The following TENM1 variants were observed in gnomAD, a reference collection of about 807,000 sequenced individuals.
TENM1 encodes the protein teneurin transmembrane protein 1, also known as teneurin-1.
In TENM1, 35 loss-of-function variants were observed where a neutral mutation model predicts 174.8. The observed-to-expected ratio is 0.20, with a 90% CI of 0.15 to 0.27. The LOEUF (loss-of-function observed/expected upper bound fraction) is 0.27. TENM1 is among the 10% of genes least tolerant of loss of function. TENM1 has a pLI of 1.00. For missense variants in TENM1, 1,633 were observed against 2,130.1 expected, an observed-to-expected ratio of 0.77 and a Z score of 4.59; for synonymous variants, 781 against 798.7, an observed-to-expected ratio of 0.98 and a Z score of 0.37.
At chrX:124,865,716 G>A (rs766938884) in intron 3 of TENM1, among the ~76,000 whole-genome samples, 3 of 111,256 alleles carry the variant, frequency 2.7e-5, no homozygotes, top group Non-Finnish European at 5.7e-5. Flanking sequence ...AAAAGACACA[G>A]ACTGGCTGAA....
At chrX:124,978,510 A>C in the TENM1 span, among the ~76,000 whole-genome samples, 1 of 111,627 alleles carries the variant, frequency 9.0e-6, no homozygotes, top group African/African-American at 3.3e-5. Flanking sequence ...TTATTGTTAC[A>C]TTTTGTCCAT....
chrX:124,861,211 G>A (rs1193630330), intron 3 of TENM1, among the ~76,000 whole-genome samples: 2 of 111,902 alleles, frequency 1.8e-5, no homozygotes, highest in Non-Finnish European at 3.8e-5. Context: ...AATCCATGGA[G>A]CTAGCATTGT....
chrX:125,019,579 C>A, the TENM1 span, among the ~76,000 whole-genome samples: 809 of 110,661 alleles, frequency 7.3e-3, 9 homozygotes, highest in African/African-American at 0.025. Context: ...AATTATTATT[C>A]AGAACCTTAT....
At chrX:125,116,103 C>T in the TENM1 span, among the ~76,000 whole-genome samples, 2 of 111,748 alleles carry the variant, frequency 1.8e-5, no homozygotes, top group Non-Finnish European at 3.8e-5. Context: ...CATCTACAAC[C>T]ATCTGATCTT....
At chrX:124,850,456 A>T (rs1472988762) in intron 3 of TENM1, among the ~76,000 whole-genome samples, 1 of 111,518 alleles carries the variant, frequency 9.0e-6, no homozygotes, top group Non-Finnish European at 1.9e-5. Flanking sequence ...TTTTAAGTTC[A>T]TACAGGCTTT....
At chrX:125,129,219 T>C in the TENM1 span, among the ~76,000 whole-genome samples, 2 of 112,247 alleles carry the variant, frequency 1.8e-5, no homozygotes, top group Non-Finnish European at 3.8e-5. Flanking sequence ...ATTTCTGTTA[T>C]TGAAGTCATC....
the TENM1 span, among the ~76,000 whole-genome samples, chrX:125,144,387 G>A: frequency 9.0e-6 from 1 of 111,467 alleles, no homozygotes; most frequent in South Asian, 3.8e-4. Context: ...AGCTTTGAAT[G>A]GAGTCATGTC....
the TENM1 span, among the ~76,000 whole-genome samples, chrX:125,110,048 T>C: frequency 9.0e-6 from 1 of 111,636 alleles, no homozygotes; most frequent in African/African-American, 3.3e-5. Context: ...TTAATTCTTA[T>C]GGGACAGAAG....
intron 3 of TENM1, among the ~76,000 whole-genome samples, chrX:124,800,453 T>C (rs1242541505): frequency 1.8e-5 from 2 of 111,794 alleles, no homozygotes; most frequent in Admixed American, 9.5e-5. Flanking sequence ...ATCCCCTTTA[T>C]CATTTTTTAT....
chrX:124,789,531 C>G (rs986235789), intron 3 of TENM1, among the ~76,000 whole-genome samples: 2 of 111,621 alleles, frequency 1.8e-5, no homozygotes, highest in African/African-American at 6.5e-5. Flanking sequence ...GTCACTCTTG[C>G]TGCTTAGAAA....
intron 3 of TENM1, among the ~76,000 whole-genome samples, chrX:124,802,072 G>C (rs2055467937): frequency 9.0e-6 from 1 of 111,272 alleles, no homozygotes; most frequent in Non-Finnish European, 1.9e-5. Flanking sequence ...TTAGCTCAGT[G>C]GAGTTTGTTA....
intron 1 of TENM1, among the ~76,000 whole-genome samples, chrX:124,903,784 T>G (rs1184894039): frequency 3.6e-5 from 4 of 111,937 alleles, no homozygotes; most frequent in Non-Finnish European, 7.5e-5. Context: ...TTTAGATCAA[T>G]GAGAACCTGT....
chrX:124,786,966 C>T (rs1837897603), intron 3 of TENM1, among the ~76,000 whole-genome samples: 1 of 111,457 alleles, frequency 9.0e-6, no homozygotes, highest in Non-Finnish European at 1.9e-5. Flanking sequence ...AAATATATGA[C>T]ATCAAAATCT....
the TENM1 span, among the ~76,000 whole-genome samples, chrX:125,075,797 CA>C: frequency 9.0e-6 from 1 of 111,159 alleles, no homozygotes; most frequent in Admixed American, 9.6e-5. Context: ...TAATGGCTTA[CA>C]GTATTTCCAC....
chrX:124,616,723 T>C (rs1268502555), intron 11 of TENM1, among the ~76,000 whole-genome samples: 2 of 112,311 alleles, frequency 1.8e-5, no homozygotes, highest in East Asian at 5.6e-4. Flanking sequence ...TTTTTCACTA[T>C]TGTATGTGCA....
chrX:124,968,277 C>T (rs1473874578), upstream of TENM1, among the ~76,000 whole-genome samples: 1 of 112,143 alleles, frequency 8.9e-6, no homozygotes, highest in African/African-American at 3.2e-5. Flanking sequence ...AACTTCATTT[C>T]AACTTAAACT....
chrX:125,143,749 C>A, the TENM1 span, among the ~76,000 whole-genome samples: 2 of 111,921 alleles, frequency 1.8e-5, no homozygotes, highest in Non-Finnish European at 3.8e-5. Flanking sequence ...TTTACTTCAT[C>A]TACCTTTATG....
chrX:124,814,995 ATTAAT>A (rs1001217788), intron 3 of TENM1, among the ~76,000 whole-genome samples: 3 of 112,232 alleles, frequency 2.7e-5, no homozygotes, highest in Admixed American at 9.5e-5. Context: ...GCTGCAAACT[ATTAAT>A]TTAAAGTTTA....
chrX:124,589,631 T>C (rs1396745207), intron 11 of TENM1, among the ~76,000 whole-genome samples: 3 of 110,853 alleles, frequency 2.7e-5, no homozygotes, highest in Non-Finnish European at 5.7e-5. Flanking sequence ...ATTTCTTCCT[T>C]GTTCAGTCTT....
Sources: allele counts gnomAD v4.1 joint callset (sites outside exome capture counted in the v4.1 genomes callset), GRCh38; gene constraint gnomAD v4.1.1; transcripts MANE v1.5; gene names NCBI Gene and HGNC (gene_info 2026-07-23, HGNC 2026-07-21).